The following DPP6 variants were observed in gnomAD, a reference collection of about 807,000 sequenced individuals.
DPP6 encodes the protein A-type potassium channel modulatory protein DPP6.
Under a neutral mutation model 122.6 loss-of-function variants are expected in DPP6, and 69 were observed. That is an observed-to-expected ratio of 0.56 (90% confidence interval 0.46 to 0.69). The LOEUF is 0.69. DPP6 is among the 30% of genes least tolerant of loss of function. The probability of loss-of-function intolerance (pLI) is 0.00; values close to 1 mark genes in which losing one functional copy is unlikely to be tolerated. For synonymous variants in DPP6, 418 were observed against 433.1 expected (o/e 0.97, Z 0.43); for missense variants, 928 against 1,116.9 (o/e 0.83, Z 2.41).
chr7:154,193,996 T>G (rs1798739963), intron 1 of DPP6, among the ~76,000 whole-genome samples: 1 of 152,162 alleles, frequency 6.6e-6, no homozygotes, highest in Admixed American at 6.5e-5. Flanking sequence ...GAACATATCG[T>G]GCCCAATTTT....
intron 1 of DPP6, among the ~76,000 whole-genome samples, chr7:153,919,501 T>G (rs1688290401): frequency 6.6e-6 from 1 of 151,932 alleles, no homozygotes; most frequent in South Asian, 2.1e-4. Flanking sequence ...AGTTGAATGG[T>G]TGTCTACTTT....
chr7:154,123,366 T>G (rs1251488884), intron 1 of DPP6, among the ~76,000 whole-genome samples: 2 of 152,224 alleles, frequency 1.3e-5, no homozygotes, highest in Non-Finnish European at 2.9e-5. Context: ...ATCTGAAAGC[T>G]CTTTCTGAAG....
intron 3 of DPP6, among the ~76,000 whole-genome samples, chr7:154,513,927 A>T (rs906567452): frequency 6.6e-6 from 1 of 152,216 alleles, no homozygotes; most frequent in Middle Eastern, 3.4e-3. Context: ...GCTGATTTTT[A>T]TTTCTAAAGC....
chr7:154,691,752 G>A (rs1382295493), intron 7 of DPP6, among the ~76,000 whole-genome samples: 1 of 152,142 alleles, frequency 6.6e-6, no homozygotes, highest in Admixed American at 6.5e-5. Flanking sequence ...CCGGGAGGTG[G>A]AGGTGGCGGT....
At chr7:153,985,708 CAG>C (rs906594616) in intron 1 of DPP6, among the ~76,000 whole-genome samples, 1 of 152,094 alleles carries the variant, frequency 6.6e-6, no homozygotes, top group African/African-American at 2.4e-5. Context: ...AGCAGAATAA[CAG>C]AGAGAAAAGG....
intron 1 of DPP6, among the ~76,000 whole-genome samples, chr7:153,959,239 A>G (rs1254185714): frequency 6.6e-6 from 1 of 151,912 alleles, no homozygotes; most frequent in Non-Finnish European, 1.5e-5. Context: ...ATTTTTCTGC[A>G]GTGCCTCTTT....
chr7:153,987,195 G>T (rs536563990), intron 1 of DPP6, among the ~76,000 whole-genome samples: 1 of 152,158 alleles, frequency 6.6e-6, no homozygotes, highest in Non-Finnish European at 1.5e-5. Context: ...TTAAACCAAA[G>T]AACTCTCAAT....
At chr7:154,407,700 G>A (rs1280662757) in intron 1 of DPP6, among the ~76,000 whole-genome samples, 1 of 152,160 alleles carries the variant, frequency 6.6e-6, no homozygotes, top group East Asian at 1.9e-4. Context: ...TAGACCCTAA[G>A]TCTGCATTTT....
intron 1 of DPP6, among the ~76,000 whole-genome samples, chr7:154,053,804 A>G (rs1250859760): frequency 6.8e-6 from 1 of 146,028 alleles, no homozygotes; most frequent in Non-Finnish European, 1.5e-5. Context: ...CACATTTCCT[A>G]CTCTTCATGG....
At chr7:153,840,260 T>A in the DPP6 span, among the ~76,000 whole-genome samples, 1 of 152,142 alleles carries the variant, frequency 6.6e-6, no homozygotes. Context: ...AAAAAAAACA[T>A]ACTGTGCAGC....
chr7:154,259,403 C>G (rs570467500), intron 1 of DPP6, among the ~76,000 whole-genome samples: 2 of 152,244 alleles, frequency 1.3e-5, no homozygotes, highest in African/African-American at 2.4e-5. Context: ...AAGTGCCAAA[C>G]TAATATGCAG....
intron 8 of DPP6, among the ~76,000 whole-genome samples, chr7:154,768,480 T>C (rs1796043281): frequency 6.6e-6 from 1 of 152,212 alleles, no homozygotes; most frequent in African/African-American, 2.4e-5. Flanking sequence ...ATCATTATTT[T>C]AGAAGCAAAT....
the DPP6 span, among the ~76,000 whole-genome samples, chr7:153,832,990 C>G: frequency 1.3e-5 from 2 of 152,182 alleles, no homozygotes; most frequent in African/African-American, 4.8e-5. Flanking sequence ...TTGCTTATTT[C>G]TCAATGTGAC....
the DPP6 span, among the ~76,000 whole-genome samples, chr7:153,874,912 G>A: frequency 6.6e-6 from 1 of 152,180 alleles, no homozygotes; most frequent in Admixed American, 6.5e-5. Flanking sequence ...TAGTATAGGT[G>A]TAATTAAAGT....
At chr7:154,832,642 C>T (rs1800722184) in intron 16 of DPP6, among the ~76,000 whole-genome samples, 1 of 152,228 alleles carries the variant, frequency 6.6e-6, no homozygotes, top group African/African-American at 2.4e-5. Flanking sequence ...ACCCCAGGGC[C>T]TGTGAACAGC....
intron 5 of DPP6, among the ~76,000 whole-genome samples, chr7:154,573,752 C>A (rs1343917175): frequency 6.6e-6 from 1 of 152,198 alleles, no homozygotes; most frequent in Non-Finnish European, 1.5e-5. Flanking sequence ...TAGCACAATG[C>A]GTGCAGTTTC....
intron 1 of DPP6, among the ~76,000 whole-genome samples, chr7:154,103,018 G>A (rs555390008): frequency 6.6e-6 from 1 of 152,158 alleles, no homozygotes; most frequent in East Asian, 1.9e-4. Context: ...GGGTCAGAGG[G>A]TTGGCCTGGT....
intron 1 of DPP6, among the ~76,000 whole-genome samples, chr7:154,287,622 A>G (rs1457951672): frequency 6.6e-6 from 1 of 152,240 alleles, no homozygotes; most frequent in African/African-American, 2.4e-5. Context: ...GCAGAGGGCC[A>G]GGACTCGGTG....
intron 7 of DPP6, 113 bp from the exon 8 acceptor site, chr7:154,727,654 A>G (rs1563145926): frequency 1.4e-6 from 2 of 1,409,270 alleles, no homozygotes; most frequent in African/African-American, 1.4e-5. Context: ...GTTCTGTCTA[A>G]TAAATACAAC....
Sources: gnomAD v4.1 joint callset for allele counts (sites outside exome capture counted in the v4.1 genomes callset) on GRCh38, gnomAD v4.1.1 for gene constraint, MANE v1.5 for transcripts, NCBI Gene and HGNC (gene_info 2026-07-23, HGNC 2026-07-21) for gene names.